APLP2: variants seen among roughly 807,000 people sequenced by gnomAD.
APLP2 encodes the protein CDEI box-binding protein.
In APLP2, 53 loss-of-function variants were observed where a neutral mutation model predicts 89.9. The observed-to-expected ratio is 0.59, with a 90% confidence interval of 0.47 to 0.74. The LOEUF (loss-of-function observed/expected upper bound fraction) is 0.74, where lower values mean the gene tolerates loss of function less well. Among genes scored for constraint, APLP2 ranks in the 30% least tolerant of loss-of-function variants. The pLI is 0.00. For missense variants in APLP2, 973 were observed against 975.9 expected (o/e 1.00, Z 0.04); for synonymous variants, 372 against 348.6 (o/e 1.07, Z -0.75).
Position 130,129,147 on chromosome 11 carries a change from G to A in APLP2, c.1396G>A (p.Asp466Asn), listed in dbSNP as rs770621673. ...GGCCCGAGTGGAAGCTATGCTGAAT[G>A]ACCGCCGTCGGATGGCTCTGGAGAA... ...HLARVEAMLNDRRRMALENYL... is the reference protein window; with the variant it reads ...HLARVEAMLNNRRRMALENYL... The change falls in exon 10 of 17, where the codon GAC (aspartate) becomes AAC (asparagine). Residue 466 changes from aspartate (D) to asparagine (N), a missense_variant. Physicochemically the swap from Asp to Asn is conservative, Grantham distance 23 (BLOSUM62 1). Transcript: ENST00000338167. 2 of 1,614,194 alleles carry A rather than the reference G, an allele frequency of 1.2e-6. No individual in the cohort carries two copies. The highest frequency in any genetic ancestry group is 2.2e-5 in the South Asian group (2 of 91,076).
chr11:130,126,678 T>G (rs781724631), intron 7 of APLP2, 22 bp from the exon 8 acceptor site: 5 of 1,612,502 alleles, frequency 3.1e-6, no homozygotes, highest in Non-Finnish European at 3.4e-6. Context: ...CAAAGAGAAC[T>G]CCCTCTGTAA....
chr11:130,095,064 G>A (rs1176549542), intron 1 of APLP2, among the ~76,000 whole-genome samples: 1 of 151,914 alleles, frequency 6.6e-6, no homozygotes, highest in Admixed American at 6.6e-5. Context: ...TGGGGAAATA[G>A]ATGCCTAGAA....
intron 1 of APLP2, among the ~76,000 whole-genome samples, chr11:130,090,804 C>T (rs71505999): frequency 3.9e-5 from 6 of 152,234 alleles, no homozygotes; most frequent in Non-Finnish European, 5.9e-5. Flanking sequence ...GGGTGGTGGC[C>T]GGGCAGAGGG....
At chr11:130,137,377 C>A in intron 13 of APLP2, 2 of 1,268,076 alleles carry the variant, frequency 1.6e-6, no homozygotes, top group Non-Finnish European at 2.3e-6. Context: ...TGTTTCATGC[C>A]ATCACCTGGC....
At chr11:130,080,697 C>CTTTT (rs375026553) in intron 1 of APLP2, among the ~76,000 whole-genome samples, 2 of 130,244 alleles carry the variant, frequency 1.5e-5, no homozygotes, top group Non-Finnish European at 3.3e-5. Context: ...ATTTATCTTT[C>CTTTT]TTTTTTTTTT....
chr11:130,089,345 C>G (rs768509172), intron 1 of APLP2, among the ~76,000 whole-genome samples: 2 of 152,100 alleles, frequency 1.3e-5, no homozygotes, highest in Non-Finnish European at 2.9e-5. Context: ...GGAAGGGAGC[C>G]CAAGCACACT....
At chr11:130,089,290 C>T (rs142441841) in intron 1 of APLP2, among the ~76,000 whole-genome samples, 120 of 152,296 alleles carry the variant, frequency 7.9e-4, no homozygotes, top group African/African-American at 2.6e-3. Flanking sequence ...CCTGATCACA[C>T]CCTCCTACCT....
intron 1 of APLP2, among the ~76,000 whole-genome samples, chr11:130,106,962 C>T: frequency 6.6e-6 from 1 of 152,184 alleles, no homozygotes; most frequent in Non-Finnish European, 1.5e-5. Flanking sequence ...GGTAGGATTA[C>T]AGGTGTGAGC....
intron 1 of APLP2, among the ~76,000 whole-genome samples, chr11:130,091,867 C>T (rs1342088656): frequency 9.5e-4 from 137 of 144,062 alleles, no homozygotes; most frequent in African/African-American, 3.2e-3. Context: ...CGGGTGGAGA[C>T]GCTCCTCACT....
At chr11:130,084,658 A>G (rs1463846298) in intron 1 of APLP2, among the ~76,000 whole-genome samples, 1 of 152,090 alleles carries the variant, frequency 6.6e-6, no homozygotes, top group Non-Finnish European at 1.5e-5. Context: ...ACATACCAAA[A>G]CCCTTGGGAT....
chr11:130,130,692 C>T (rs1447975503), intron 11 of APLP2, among the ~76,000 whole-genome samples: 3 of 152,172 alleles, frequency 2.0e-5, no homozygotes, highest in East Asian at 1.9e-4. Context: ...TGCTAGCTTC[C>T]GTTTAAACCA....
At chr11:130,080,899 G>A (rs1207022621) in intron 1 of APLP2, among the ~76,000 whole-genome samples, 2 of 151,620 alleles carry the variant, frequency 1.3e-5, no homozygotes, top group African/African-American at 4.9e-5. Flanking sequence ...GGGTTTCACT[G>A]TGTTAGCCAG....
chr11:130,141,548 A>G lies in APLP2; in HGVS notation c.1974A>G (p.Arg658=). 6.2e-7 allele frequency: 1 copy of G among 1,613,910 alleles called. No individual in the cohort carries two copies. The highest frequency in any genetic ancestry group is 1.7e-5 in the Admixed American group (1 of 59,988). Residue 658 remains arginine (R), a synonymous_variant, in exon 15 of 17, where the codon AGA becomes AGG. Transcript: ENST00000338167. The surrounding 1 kb of genome is among the most constrained non-coding windows in gnomAD (Gnocchi z 4.2). ...AGGAAATGATTTTCAATGCCGAGAGAGTTGGAGGCCTCGAGGAAGAGCGGG... is the reference window on the plus strand; with the variant it reads ...AGGAAATGATTTTCAATGCCGAGAGGGTTGGAGGCCTCGAGGAAGAGCGGG... The part of the protein sequence containing the change: ...DVKEMIFNAE[R]VGGLEEERES...
intron 1 of APLP2, among the ~76,000 whole-genome samples, chr11:130,106,440 C>T (rs1313777654): frequency 1.3e-5 from 2 of 152,182 alleles, no homozygotes; most frequent in Admixed American, 6.5e-5. Flanking sequence ...GGTTCTTCAC[C>T]GTGCAACTAG....
chr11:130,097,951 G>A (rs1471446413), intron 1 of APLP2, among the ~76,000 whole-genome samples: 5 of 152,074 alleles, frequency 3.3e-5, no homozygotes, highest in South Asian at 2.1e-4. Flanking sequence ...GTACCCTTAC[G>A]CGTGGATGTG....
intron 13 of APLP2, among the ~76,000 whole-genome samples, chr11:130,136,853 T>A (rs952106100): frequency 6.6e-6 from 1 of 152,214 alleles, no homozygotes; most frequent in East Asian, 1.9e-4. Flanking sequence ...CAACTTCTTA[T>A]GTGCTTGTTG....
rs1303058904 is a variant in APLP2, at chr11:130,133,650, A to T, written c.1606A>T (p.Ile536Phe). The change falls in exon 12 of 17, where the codon ATT becomes TTT. Residue 536 changes from isoleucine (I) to phenylalanine (F), a missense_variant. Physicochemically the swap from Ile to Phe is conservative, Grantham distance 21 (BLOSUM62 0). Coordinates refer to ENST00000338167, the MANE Select transcript of APLP2 (RefSeq NM_001142276.2). ...CCAGGTGATGACACATCTCCACGTG[A>T]TTGAAGAAAGGAGGAACCAAAGCCT... ...KSQVMTHLHV[I>F]EERRNQSLSL... The T allele has an allele frequency of 3.7e-6, 6 of 1,614,080 alleles. No individual in the cohort carries two copies. The highest frequency in any genetic ancestry group is 5.1e-6 in the Non-Finnish European group (6 of 1,179,952).
chr11:130,097,248 G>A (rs959166519), intron 1 of APLP2, among the ~76,000 whole-genome samples: 8 of 152,128 alleles, frequency 5.3e-5, no homozygotes, highest in Non-Finnish European at 5.9e-5. Context: ...AATGTTTAGC[G>A]GAATGACTAT....
chr11:130,072,035 TG>T (rs1266829793), intron 1 of APLP2, among the ~76,000 whole-genome samples: 3 of 152,262 alleles, frequency 2.0e-5, no homozygotes, highest in African/African-American at 7.2e-5. Flanking sequence ...GCCAAATCCC[TG>T]ATCAAGTTGC....
Sources: allele counts gnomAD v4.1 joint callset (sites outside exome capture counted in the v4.1 genomes callset), GRCh38; gene constraint gnomAD v4.1.1; non-coding constraint Gnocchi (gnomAD v3.1); transcripts MANE v1.5; gene names NCBI Gene and HGNC (gene_info 2026-07-23, HGNC 2026-07-21).